Variants in MINDY3 observed in about 807,000 individuals in gnomAD.
The protein encoded by MINDY3 is ubiquitin carboxyl-terminal hydrolase MINDY-3.
In MINDY3, 38 loss-of-function variants were observed where a neutral mutation model predicts 69.2. That is an observed-to-expected ratio of 0.55 (90% confidence interval 0.42 to 0.72). MINDY3 has a LOEUF of 0.72. MINDY3 is among the 30% of genes least tolerant of loss of function. MINDY3 has a pLI of 0.00. For synonymous variants in MINDY3, 192 were observed against 180.1 expected (o/e 1.07, Z -0.53); for missense variants, 522 against 519.0 (o/e 1.01, Z -0.06).
At chr10:15,836,762 G>C (rs1467798319) in intron 6 of MINDY3, among the ~76,000 whole-genome samples, 1 of 150,158 alleles carries the variant, frequency 6.7e-6, no homozygotes, top group Non-Finnish European at 1.5e-5. Flanking sequence ...AAGAGCAGGA[G>C]GTAACAGATA....
chr10:15,797,841 C>G (rs1252145513), intron 10 of MINDY3, among the ~76,000 whole-genome samples: 3 of 152,118 alleles, frequency 2.0e-5, no homozygotes, highest in Non-Finnish European at 4.4e-5. Context: ...TTATCACTCC[C>G]AAACCTTAGT....
At chr10:15,789,511 A>G (rs1837252086) in intron 11 of MINDY3, among the ~76,000 whole-genome samples, 192 bp from the exon 12 acceptor site, 1 of 152,152 alleles carries the variant, frequency 6.6e-6, no homozygotes, top group Admixed American at 6.6e-5. Context: ...TCTTGGAAAC[A>G]TCGGCAAATA....
chr10:15,816,631 A>C (rs1056008308), intron 10 of MINDY3, among the ~76,000 whole-genome samples: 2 of 152,190 alleles, frequency 1.3e-5, no homozygotes, highest in African/African-American at 2.4e-5. Context: ...ATTATAACTA[A>C]ATCATGATAG....
chr10:15,847,120 A>C (rs1245468211), intron 2 of MINDY3, among the ~76,000 whole-genome samples: 1 of 152,242 alleles, frequency 6.6e-6, no homozygotes, highest in Non-Finnish European at 1.5e-5. Flanking sequence ...AATTAGCTGT[A>C]ATTTTTATAA....
chr10:15,789,075 C>G (rs1328564092), intron 12 of MINDY3, 172 bp downstream of exon 12: 2 of 434,032 alleles, frequency 4.6e-6, no homozygotes, highest in Non-Finnish European at 8.3e-6. Context: ...TTAAGTATGT[C>G]AAGTCTGCTA....
intron 8 of MINDY3, among the ~76,000 whole-genome samples, chr10:15,825,950 A>C (rs879551501): frequency 2.0e-5 from 3 of 152,136 alleles, no homozygotes; most frequent in Admixed American, 6.5e-5. Context: ...AAAATTATAA[A>C]ATAAAAATAA....
At chr10:15,782,395 G>A (rs1313064625) in intron 13 of MINDY3, 169 bp from the exon 14 acceptor site, 1 of 540,044 alleles carries the variant, frequency 1.9e-6, no homozygotes, top group Non-Finnish European at 3.2e-6. Flanking sequence ...AGAAAGCCCT[G>A]AAGTTGAAAG....
rs774634927 is a variant in MINDY3, at chr10:15,834,640, T to C, written c.577-24A>G. 3 of 1,551,354 alleles carry C rather than the reference T, an allele frequency of 1.9e-6. No individual in the cohort carries two copies. In the South Asian group the frequency reaches 3.4e-5, roughly 17 times the overall value. On this transcript the variant is annotated intron_variant, in intron 6 of 14. Transcript: ENST00000277632. ...CCCTAAAGAAACAGAATTCATTGAC[T>C]TATTTTAAAAAACTAAAATGAAAAT...
At chr10:15,784,125 G>A (rs752707409) in intron 13 of MINDY3, among the ~76,000 whole-genome samples, 10 of 152,238 alleles carry the variant, frequency 6.6e-5, no homozygotes, top group Admixed American at 2.6e-4. Flanking sequence ...TTCAACAATC[G>A]TCTTAAGTTC....
intron 8 of MINDY3, among the ~76,000 whole-genome samples, chr10:15,826,818 T>C (rs368851197): frequency 6.6e-6 from 1 of 152,286 alleles, no homozygotes; most frequent in South Asian, 2.1e-4. Flanking sequence ...AATTAGGACA[T>C]TAGATAATTC....
At chr10:15,829,273 A>G (rs551726611) in intron 8 of MINDY3, among the ~76,000 whole-genome samples, 39 of 152,322 alleles carry the variant, frequency 2.6e-4, no homozygotes, top group Non-Finnish European at 4.4e-4. Context: ...TGGGGAAAGT[A>G]CCATTGTTTT....
chr10:15,848,297 A>C (rs1207218425), intron 1 of MINDY3, among the ~76,000 whole-genome samples: 1 of 152,178 alleles, frequency 6.6e-6, no homozygotes, highest in Non-Finnish European at 1.5e-5. Context: ...ATACCATATC[A>C]TTCTATCATT....
At chr10:15,847,773 A>G in intron 2 of MINDY3, 91 bp downstream of exon 2, 1 of 795,542 alleles carries the variant, frequency 1.3e-6, no homozygotes, top group South Asian at 1.7e-5. Context: ...ATGTCTCATA[A>G]TTACTATATG....
At chr10:15,843,932 G>A (rs1256844866) in intron 2 of MINDY3, among the ~76,000 whole-genome samples, 1 of 152,046 alleles carries the variant, frequency 6.6e-6, no homozygotes, top group African/African-American at 2.4e-5. Flanking sequence ...GCAGTTTCTT[G>A]GGCTCCACCT....
At chr10:15,859,734 T>A (rs1351996685) in intron 1 of MINDY3, among the ~76,000 whole-genome samples, 1 of 152,110 alleles carries the variant, frequency 6.6e-6, no homozygotes, top group African/African-American at 2.4e-5. Flanking sequence ...ATAATGACAA[T>A]ACAAACAAAA....
rs533331309 is a variant in MINDY3, at chr10:15,785,740, T to A, written c.1116+821A>T. Among the ~76,000 whole-genome samples the A allele has an allele frequency of 2.0e-5, 3 of 152,334 alleles. No individual in the cohort carries two copies. In the East Asian group the frequency reaches 5.8e-4, roughly 29 times the overall value. On this transcript the variant is annotated intron_variant, in intron 13 of 14. Coordinates refer to ENST00000277632, the MANE Select transcript of MINDY3 (RefSeq NM_024948.4). Reference sequence around the variant, plus strand: ...AACAATTTTATCTTGAGTTTAACAATCTTTTTTAACAATTACATTCTGAAT... The same window carrying A: ...AACAATTTTATCTTGAGTTTAACAAACTTTTTTAACAATTACATTCTGAAT...
intron 10 of MINDY3, among the ~76,000 whole-genome samples, chr10:15,799,548 CATCTT>C (rs753169262): frequency 1.3e-5 from 2 of 152,038 alleles, no homozygotes; most frequent in Non-Finnish European, 2.9e-5. Flanking sequence ...GGAGTAAAGA[CATCTT>C]AATCACTTTT....
At chr10:15,841,667 C>A in intron 3 of MINDY3, 68 bp from the exon 4 acceptor site, 3 of 1,009,148 alleles carry the variant, frequency 3.0e-6, no homozygotes, top group East Asian at 2.6e-5. Context: ...TCATGAATAA[C>A]AATAGTAAGA....
At chr10:15,825,576 A>C (rs560069077) in intron 8 of MINDY3, among the ~76,000 whole-genome samples, 1 of 152,318 alleles carries the variant, frequency 6.6e-6, no homozygotes, top group South Asian at 2.1e-4. Flanking sequence ...TTCTGACTGC[A>C]TTTTTAGGAG....
Sources: gnomAD v4.1 joint callset for allele counts (sites outside exome capture counted in the v4.1 genomes callset) on GRCh38, gnomAD v4.1.1 for gene constraint, MANE v1.5 for transcripts, NCBI Gene and HGNC (gene_info 2026-07-23, HGNC 2026-07-21) for gene names.